Variants in RGS5 observed in about 807,000 individuals in gnomAD.
RGS5 encodes regulator of G-protein signalling 5.
A neutral mutation model predicts 18.9 loss-of-function variants in RGS5; 20 were observed. The observed-to-expected ratio is 1.06, with a 90% confidence interval of 0.74 to 1.54. RGS5 has a LOEUF of 1.54. RGS5 is among the 40% of genes most tolerant of loss of function. RGS5 has a pLI of 0.00. For missense variants in RGS5, 201 were observed against 211.8 expected, an observed-to-expected ratio of 0.95 and a Z score of 0.32; for synonymous variants, 57 against 76.2, an observed-to-expected ratio of 0.75 and a Z score of 1.31.
At chr1:163,309,071 TGG>T (rs1265378311) in intron 1 of RGS5, among the ~76,000 whole-genome samples, 1 of 130,442 alleles carries the variant, frequency 7.7e-6, no homozygotes, top group East Asian at 2.0e-4. Flanking sequence ...ACTGATAGGC[TGG>T]GTGTAGTGGT....
intron 1 of RGS5, among the ~76,000 whole-genome samples, chr1:163,182,314 G>A (rs531376694): frequency 2.6e-5 from 4 of 152,164 alleles, no homozygotes; most frequent in African/African-American, 4.8e-5. Context: ...CTCCTATGGA[G>A]TGACAAAGAA....
intron 2 of RGS5, among the ~76,000 whole-genome samples, chr1:163,299,821 G>A (rs940875503): frequency 1.3e-5 from 2 of 152,172 alleles, no homozygotes; most frequent in East Asian, 1.9e-4. Context: ...ATTCTTTCCT[G>A]ACTGAAAGAC....
At chr1:163,217,365 A>G (rs1055250277) in intron 1 of RGS5, among the ~76,000 whole-genome samples, 2 of 152,194 alleles carry the variant, frequency 1.3e-5, no homozygotes, top group Admixed American at 6.5e-5. Context: ...CGGTCCCTGA[A>G]AGACATCAGC....
chr1:163,159,021 A>G (rs888482152), intron 3 of RGS5, among the ~76,000 whole-genome samples: 5 of 152,070 alleles, frequency 3.3e-5, no homozygotes, highest in Admixed American at 3.3e-4. Context: ...ATTCAGCGAT[A>G]TTTCTCCCAT....
At chr1:163,308,370 A>G (rs1179014470) in intron 1 of RGS5, among the ~76,000 whole-genome samples, 3 of 152,188 alleles carry the variant, frequency 2.0e-5, no homozygotes, top group African/African-American at 7.2e-5. Context: ...AAGTACAAGG[A>G]AAAGTTAGAC....
intron 1 of RGS5, among the ~76,000 whole-genome samples, chr1:163,181,463 A>G (rs2102416333): frequency 6.6e-6 from 1 of 152,294 alleles, no homozygotes; most frequent in Non-Finnish European, 1.5e-5. Flanking sequence ...AAGGGGCCTC[A>G]GGGAGCTTTT....
At position 163,217,607 on chromosome 1, in the gene RGS5, TTTTG is replaced by T. The variant is rs776678454; in HGVS notation, c.-17_-14del. The T allele has an allele frequency of 3.9e-6, 6 of 1,541,958 alleles. No homozygotes were observed. In the African/African-American group the frequency reaches 5.5e-5, roughly 14 times the overall value. On this transcript the variant is annotated 5_prime_UTR_variant, in exon 1 of 6. Transcript: ENST00000367903. ...TTCTTGCGCACATTTTTCACTGAGG[TTTTG>T]TTTCTTTGTTTTGTCAGACACTTCT... is the stretch of plus-strand genomic sequence containing the variant.
At chr1:163,246,092 C>G (rs1409200689) in intron 2 of RGS5, among the ~76,000 whole-genome samples, 2 of 151,946 alleles carry the variant, frequency 1.3e-5, no homozygotes, top group African/African-American at 4.8e-5. Flanking sequence ...TGGCGGGCAC[C>G]TGCAGTCCCA....
At chr1:163,285,245 G>A (rs1022541405) in intron 2 of RGS5, among the ~76,000 whole-genome samples, 3 of 152,102 alleles carry the variant, frequency 2.0e-5, no homozygotes, top group Non-Finnish European at 4.4e-5. Flanking sequence ...AAGTTCCCAA[G>A]GACAATCCCC....
At chr1:163,310,432 G>A (rs980317309) in intron 1 of RGS5, among the ~76,000 whole-genome samples, 8 of 152,014 alleles carry the variant, frequency 5.3e-5, no homozygotes, top group Admixed American at 1.3e-4. Context: ...AAAATTAGCC[G>A]GGCGCAGTGG....
intron 2 of RGS5, chr1:163,259,961 A>C (rs1004332479): frequency 2.6e-5 from 4 of 152,306 alleles, no homozygotes; most frequent in African/African-American, 9.7e-5. Context: ...CTGGAGAAAG[A>C]GGGCCACATG....
chr1:163,178,569 A>G (rs1220021830), intron 1 of RGS5, among the ~76,000 whole-genome samples: 4 of 152,128 alleles, frequency 2.6e-5, no homozygotes, highest in Non-Finnish European at 4.4e-5. Flanking sequence ...CCCTTAACCA[A>G]GACGATACCT....
chr1:163,298,909 T>TAC (rs1649489304), intron 2 of RGS5, among the ~76,000 whole-genome samples: 1 of 152,156 alleles, frequency 6.6e-6, no homozygotes, highest in African/African-American at 2.4e-5. Flanking sequence ...AGTAGATAAT[T>TAC]ACCTTGAAGA....
intron 2 of RGS5, among the ~76,000 whole-genome samples, chr1:163,259,678 T>G (rs1030172812): frequency 6.6e-6 from 1 of 152,092 alleles, no homozygotes; most frequent in African/African-American, 2.4e-5. Context: ...GCTACAGAAG[T>G]TTTTCATCAC....
chr1:163,189,434 A>C (rs1439419488), intron 1 of RGS5, among the ~76,000 whole-genome samples: 1 of 152,218 alleles, frequency 6.6e-6, no homozygotes, highest in Non-Finnish European at 1.5e-5. Context: ...AAAAATAAAG[A>C]GACGTAAAAT....
intron 1 of RGS5, among the ~76,000 whole-genome samples, chr1:163,169,654 A>T (rs1299745748): frequency 6.6e-6 from 1 of 152,148 alleles, no homozygotes; most frequent in African/African-American, 2.4e-5. Flanking sequence ...GGCTGCATAA[A>T]TATCTTCTTT....
intron 2 of RGS5, among the ~76,000 whole-genome samples, chr1:163,301,580 G>A (rs1054150501): frequency 7.9e-5 from 12 of 152,160 alleles, no homozygotes; most frequent in African/African-American, 2.4e-4. Context: ...CGATCCTCCC[G>A]CCTTGGCCTC....
chr1:163,284,872 ATT>A (rs1337654525), intron 2 of RGS5, among the ~76,000 whole-genome samples: 1 of 151,358 alleles, frequency 6.6e-6, no homozygotes, highest in Admixed American at 6.6e-5. Flanking sequence ...TGGTAAATGT[ATT>A]AGTCCGTTTT....
chr1:163,228,495 C>T (rs904683076), intron 2 of RGS5, among the ~76,000 whole-genome samples: 1 of 152,180 alleles, frequency 6.6e-6, no homozygotes, highest in Non-Finnish European at 1.5e-5. Flanking sequence ...CTGGACCCGG[C>T]CCAGGACACC....
Sources: allele counts gnomAD v4.1 joint callset (sites outside exome capture counted in the v4.1 genomes callset), GRCh38; gene constraint gnomAD v4.1.1; transcripts MANE v1.5; gene names NCBI Gene and HGNC (gene_info 2026-07-23, HGNC 2026-07-21).